COMMD10: variants seen among roughly 807,000 people sequenced by gnomAD.
COMMD10 encodes COMM domain containing 10.
A neutral mutation model predicts 28.9 loss-of-function variants in COMMD10; 33 were observed. That is an observed-to-expected ratio of 1.14 (90% CI 0.87 to 1.53). COMMD10 has a LOEUF of 1.53. Ranked by LOEUF, COMMD10 falls within the 40% of genes most tolerant of loss-of-function variation. COMMD10 has a pLI of 0.00. For missense variants in COMMD10, 310 were observed against 233.4 expected (o/e 1.33, Z -2.14); for synonymous variants, 110 against 81.7 (o/e 1.35, Z -1.87).
intron 5 of COMMD10, among the ~76,000 whole-genome samples, chr5:116,171,513 A>G (rs750021539): frequency 2.7e-5 from 4 of 150,052 alleles, no homozygotes; most frequent in Admixed American, 6.6e-5. Flanking sequence ...ATTCTACTAT[A>G]AAGACACATG....
Position 116,134,100 on chromosome 5 carries a change from G to T in COMMD10, c.432G>T (p.Gln144His). 1.2e-6 allele frequency: 2 copies of T among 1,611,220 alleles called. No individual in the cohort carries two copies. The highest frequency in any genetic ancestry group is 1.7e-6 in the Non-Finnish European group (2 of 1,177,346). ...CCGTTGGATGGCAGCTTAACCTTCA[G>T]ATGGCTCACTCTGCTCAAGCAAAAC... ...LETVGWQLNL[Q>H]MAHSAQAKLK... is the part of the protein sequence containing the mutation. Residue 144 changes from glutamine to histidine, a missense_variant, in exon 5 of 7, where the codon CAG (glutamine) becomes CAT (histidine). Gln to His is a conservative substitution (Grantham distance 24). Coordinates refer to ENST00000274458, the MANE Select transcript of COMMD10 (RefSeq NM_016144.4).
At chr5:116,150,123 C>CGAA (rs1314142088) in intron 5 of COMMD10, among the ~76,000 whole-genome samples, 1 of 152,078 alleles carries the variant, frequency 6.6e-6, no homozygotes. Context: ...AATACTTTCC[C>CGAA]CATTTCTTGT....
chr5:116,254,134 G>A (rs995584936), intron 5 of COMMD10, among the ~76,000 whole-genome samples: 80 of 151,754 alleles, frequency 5.3e-4, no homozygotes, highest in African/African-American at 9.2e-4. Flanking sequence ...CTGTGGGATC[G>A]GTGGTGATAT....
intron 5 of COMMD10, among the ~76,000 whole-genome samples, chr5:116,233,640 G>T (rs1044669425): frequency 6.6e-6 from 1 of 152,178 alleles, no homozygotes; most frequent in Non-Finnish European, 1.5e-5. Context: ...AGATTTGAAA[G>T]ATGTGAGAGG....
intron 4 of COMMD10, among the ~76,000 whole-genome samples, chr5:116,102,237 A>G (rs567295359): frequency 6.6e-6 from 1 of 152,234 alleles, no homozygotes; most frequent in East Asian, 1.9e-4. Context: ...TTTTTATATG[A>G]TCAGAGACAG....
intron 4 of COMMD10, among the ~76,000 whole-genome samples, chr5:116,117,820 A>C (rs1488821637): frequency 6.6e-6 from 1 of 152,172 alleles, no homozygotes; most frequent in African/African-American, 2.4e-5. Flanking sequence ...AACGTTTTGT[A>C]TAGAGATTAT....
chr5:116,197,644 C>CGTTCTGG (rs1233000601), intron 5 of COMMD10, among the ~76,000 whole-genome samples: 3 of 151,972 alleles, frequency 2.0e-5, no homozygotes, highest in Non-Finnish European at 4.4e-5. Context: ...GGCCTCCCTA[C>CGTTCTGG]GTTCTGGGAT....
chr5:116,085,095 T>G lies in COMMD10; in HGVS notation c.41+2T>G. ...GCTGATCCTACGGGAGAGCCCCAGG[T>G]AGCTGATCCGTTAAGCTCTTGCGGT... is the stretch of plus-strand genomic sequence containing the variant. On this transcript the variant is annotated splice_donor_variant, in intron 1 of 6. Coordinates refer to ENST00000274458, the MANE Select transcript of COMMD10 (RefSeq NM_016144.4). LOFTEE classifies it high-confidence loss of function. 1 of 1,609,632 alleles carries G rather than the reference T, an allele frequency of 6.2e-7. No homozygotes were observed. The highest frequency in any genetic ancestry group is 1.7e-4 in the Middle Eastern group (1 of 5,844).
chr5:116,087,622 TC>T lies in COMMD10; in HGVS notation c.132+37del, dbSNP rs771268578. ...TGTGTGTTTCCATGCCTTGTAATCTTCCTTCTGATTTAATTGAAAGTCTGAT... is the reference window on the plus strand; with the variant it reads ...TGTGTGTTTCCATGCCTTGTAATCTTCTTCTGATTTAATTGAAAGTCTGAT... On this transcript the variant is annotated intron_variant, in intron 2 of 6. Transcript: ENST00000274458. The T allele has an allele frequency of 4.4e-6, 6 of 1,353,818 alleles. No homozygotes were observed. The African/African-American group carries it at 8.6e-5, about 19-fold the overall frequency. The allele number at this position is 1,353,818 out of a possible 1,614,324, so 83.9% of individuals were successfully genotyped here.
intron 5 of COMMD10, among the ~76,000 whole-genome samples, chr5:116,234,118 G>T (rs1304425918): frequency 6.6e-6 from 1 of 152,176 alleles, no homozygotes; most frequent in Non-Finnish European, 1.5e-5. Flanking sequence ...GGCATTGTAG[G>T]TAGAAAGACT....
At chr5:116,177,364 C>G (rs1753550376) in intron 5 of COMMD10, among the ~76,000 whole-genome samples, 1 of 152,094 alleles carries the variant, frequency 6.6e-6, no homozygotes, top group African/African-American at 2.4e-5. Context: ...ATCTTTTCAT[C>G]TTCATTGCTT....
intron 5 of COMMD10, among the ~76,000 whole-genome samples, chr5:116,286,884 G>A (rs1236955368): frequency 6.6e-6 from 1 of 151,650 alleles, no homozygotes; most frequent in African/African-American, 2.4e-5. Flanking sequence ...TGGTCTATAA[G>A]GTTATTCAAA....
intron 5 of COMMD10, among the ~76,000 whole-genome samples, chr5:116,184,914 T>A (rs10063312): frequency 8.6e-5 from 13 of 151,846 alleles, no homozygotes; most frequent in Admixed American, 7.2e-4. Context: ...TTATTAACTT[T>A]GTGACTTTAG....
At chr5:116,179,838 G>C (rs1252861652) in intron 5 of COMMD10, among the ~76,000 whole-genome samples, 1 of 152,070 alleles carries the variant, frequency 6.6e-6, no homozygotes, top group African/African-American at 2.4e-5. Flanking sequence ...GGTAGTAGTA[G>C]TAGGAATGAA....
At chr5:116,239,279 G>A (rs1749755101) in intron 5 of COMMD10, among the ~76,000 whole-genome samples, 1 of 152,188 alleles carries the variant, frequency 6.6e-6, no homozygotes, top group Admixed American at 6.5e-5. Context: ...TTTTAAATAT[G>A]CTTCTATTTC....
intron 5 of COMMD10, among the ~76,000 whole-genome samples, chr5:116,239,135 A>C (rs1749751177): frequency 6.6e-6 from 1 of 152,186 alleles, no homozygotes; most frequent in Non-Finnish European, 1.5e-5. Context: ...ATTTATACTC[A>C]ATTTAAACCA....
rs753576144 is a variant in COMMD10, at chr5:116,134,075, C to CTAGAGA, written c.407_408insTAGAGA (p.Thr136_Val137insArgAsp). 1.9e-6 allele frequency: 3 copies of CTAGAGA among 1,582,164 alleles called. No homozygotes were observed. The highest frequency in any genetic ancestry group is 2.6e-6 in the Non-Finnish European group (3 of 1,150,372). On this transcript the variant is annotated inframe_insertion, in exon 5 of 7. Coordinates refer to ENST00000274458, the MANE Select transcript of COMMD10 (RefSeq NM_016144.4). ...TGCACCTGTCTTTTATAGCTAGAGACCGTTGGATGGCAGCTTAACCTTCAG... is the reference window on the plus strand; with the variant it reads ...TGCACCTGTCTTTTATAGCTAGAGACTAGAGACGTTGGATGGCAGCTTAACCTTCAG...
At chr5:116,200,484 A>AT (rs1463965783) in intron 5 of COMMD10, among the ~76,000 whole-genome samples, 2 of 151,848 alleles carry the variant, frequency 1.3e-5, no homozygotes, top group African/African-American at 4.8e-5. Flanking sequence ...ATCTGAGGAC[A>AT]TTTTTAGTCA....
chr5:116,254,138 G>A (rs1248302136), intron 5 of COMMD10, among the ~76,000 whole-genome samples: 1 of 151,862 alleles, frequency 6.6e-6, no homozygotes, highest in Non-Finnish European at 1.5e-5. Context: ...GGGATCGGTG[G>A]TGATATCCCC....
Sources: allele counts gnomAD v4.1 joint callset (sites outside exome capture counted in the v4.1 genomes callset), GRCh38; gene constraint gnomAD v4.1.1; transcripts MANE v1.5; gene names NCBI Gene and HGNC (gene_info 2026-07-23, HGNC 2026-07-21).